Variants in EIF2AK3 observed in about 807,000 individuals in gnomAD.
EIF2AK3 encodes the protein eukaryotic translation initiation factor 2 alpha kinase 3.
EIF2AK3 carries 50 observed loss-of-function variants against 113.5 expected under a neutral mutation model. That is an observed-to-expected ratio of 0.44 (90% CI 0.35 to 0.56). The LOEUF is 0.56. Ranked by LOEUF, EIF2AK3 falls within the 20% of genes least tolerant of loss-of-function variation. The pLI is 0.00. For synonymous variants in EIF2AK3, 448 were observed against 495.4 expected (o/e 0.90, Z 1.27); for missense variants, 1,185 against 1,378.0 (o/e 0.86, Z 2.22).
chr2:88,572,328 C>A (rs1358297125), intron 13 of EIF2AK3, among the ~76,000 whole-genome samples: 1 of 152,168 alleles, frequency 6.6e-6, no homozygotes, highest in Non-Finnish European at 1.5e-5. Context: ...GTGCTTCCAG[C>A]AGAAGTATCT....
chr2:88,559,021 A>G (rs1413685569), intron 15 of EIF2AK3, 42 bp from the exon 16 acceptor site: 8 of 1,350,276 alleles, frequency 5.9e-6, no homozygotes, highest in Non-Finnish European at 8.4e-6. Flanking sequence ...TTATTTTGAC[A>G]TACAACATGA....
chr2:88,572,664 T>G (rs1407820495), intron 13 of EIF2AK3, among the ~76,000 whole-genome samples: 1 of 152,224 alleles, frequency 6.6e-6, no homozygotes. Context: ...CTCAACAGTT[T>G]AGCCATGTGG....
intron 14 of EIF2AK3, among the ~76,000 whole-genome samples, chr2:88,569,347 A>G (rs551551199): frequency 2.0e-4 from 31 of 151,970 alleles, no homozygotes; most frequent in Non-Finnish European, 4.3e-4. Flanking sequence ...AAAAAAAAAA[A>G]CAAACAACAT....
At chr2:88,616,495 C>T (rs1396783051) in intron 1 of EIF2AK3, among the ~76,000 whole-genome samples, 6 of 152,110 alleles carry the variant, frequency 3.9e-5, no homozygotes, top group African/African-American at 1.2e-4. Flanking sequence ...GGCGCAATCT[C>T]GGCTCACTGC....
Position 88,627,295 on chromosome 2 carries a change from A to G in EIF2AK3, c.-21T>C, listed in dbSNP as rs1466121074. The G allele has an allele frequency of 1.4e-6, 2 of 1,477,440 alleles. No homozygotes were observed. Among genetic ancestry groups the G allele is most frequent in the Non-Finnish European group, 1.8e-6 (2 of 1,118,418 alleles). The allele number at this position is 1,477,440 out of a possible 1,614,324, so 91.5% of individuals were successfully genotyped here. A position where few individuals can be genotyped will look rare whatever the true frequency, so the allele number is the denominator to read the frequency against. On this transcript the variant is annotated 5_prime_UTR_variant, in exon 1 of 17. Transcript: ENST00000303236. ...TCCATCAGCGTCCCGCCCCGCGCGC[A>G]GGCATGGAGGCGCAGCCACTGACGC...
At chr2:88,563,857 C>G (rs1247142929) in intron 14 of EIF2AK3, among the ~76,000 whole-genome samples, 1 of 151,994 alleles carries the variant, frequency 6.6e-6, no homozygotes, top group Non-Finnish European at 1.5e-5. Context: ...TATACACACA[C>G]ACAGAGAGAG....
chr2:88,603,645 A>C (rs1675203469), intron 2 of EIF2AK3, among the ~76,000 whole-genome samples: 1 of 152,198 alleles, frequency 6.6e-6, no homozygotes, highest in Non-Finnish European at 1.5e-5. Flanking sequence ...TCATTGAAAC[A>C]CTTTTTCTCT....
intron 14 of EIF2AK3, 42 bp downstream of exon 14, chr2:88,570,832 C>A: frequency 6.2e-7 from 1 of 1,608,422 alleles, no homozygotes; most frequent in African/African-American, 1.3e-5. Flanking sequence ...TCATCAGGTA[C>A]ATCTGCTGCT....
intron 1 of EIF2AK3, among the ~76,000 whole-genome samples, chr2:88,616,740 A>C (rs1675577345): frequency 6.6e-6 from 1 of 152,146 alleles, no homozygotes; most frequent in East Asian, 1.9e-4. Context: ...ATAGTTGTTT[A>C]AAGGATGACT....
At chr2:88,583,575 A>T in intron 9 of EIF2AK3, 33 bp from the exon 10 acceptor site, 1 of 1,464,600 alleles carries the variant, frequency 6.8e-7, no homozygotes, top group Non-Finnish European at 9.6e-7. Flanking sequence ...CACTACCAGT[A>T]CAAAGCTGAA....
intron 2 of EIF2AK3, among the ~76,000 whole-genome samples, chr2:88,596,812 T>C (rs867330187): frequency 9.2e-5 from 14 of 152,194 alleles, no homozygotes; most frequent in Non-Finnish European, 1.9e-4. Flanking sequence ...TAGGATTTCA[T>C]GGTGGATTCT....
Position 88,575,169 on chromosome 2 carries a change from C to G in EIF2AK3, c.2314G>C (p.Glu772Gln). Residue 772 changes from glutamate to glutamine, a missense_variant, in exon 13 of 17, where the codon GAA (glutamate) becomes CAA (glutamine). Glu to Gln is a conservative substitution (Grantham distance 29, BLOSUM62 2). This residue lies in a region of EIF2AK3 where 877 missense variants were observed against 1,024.2 expected (regional missense o/e 0.86). Coordinates refer to ENST00000303236, the MANE Select transcript of EIF2AK3 (RefSeq NM_004836.7). ...QDSCLTDCDVEDGTMDGNDEG... is the reference protein window; with the variant it reads ...QDSCLTDCDVQDGTMDGNDEG... Reference sequence around the variant, plus strand: ...TCATTGCCATCCATAGTCCCATCTTCCACATCACAGTCTGTAAGGCAACTG... The same window carrying G: ...TCATTGCCATCCATAGTCCCATCTTGCACATCACAGTCTGTAAGGCAACTG... The G allele has an allele frequency of 6.2e-7, 1 of 1,613,788 alleles. No homozygotes were observed. The highest frequency in any genetic ancestry group is 2.2e-5 in the East Asian group (1 of 44,878).
At position 88,583,478 on chromosome 2, in the gene EIF2AK3, G is replaced by A; in HGVS notation, c.1715C>T (p.Ala572Val). 1 of 1,612,952 alleles carries A rather than the reference G, an allele frequency of 6.2e-7. No individual in the cohort carries two copies. The highest frequency in any genetic ancestry group is 1.7e-4 in the Middle Eastern group (1 of 6,054). ...ENKYDSVSGE[A>V]NDSSWNDIKN... Reference sequence around the variant, plus strand: ...TATGTCATTCCAGCTACTGTCATTGGCTTCACCACTTACAGAATCATATTT... The same window carrying A: ...TATGTCATTCCAGCTACTGTCATTGACTTCACCACTTACAGAATCATATTT... The change falls in exon 10 of 17, where the codon GCC becomes GTC. Residue 572 changes from alanine to valine, a missense_variant. By Grantham distance (64) the Ala-to-Val change is moderately conservative. Transcript: ENST00000303236.
At chr2:88,622,856 T>C (rs1273701838) in intron 1 of EIF2AK3, among the ~76,000 whole-genome samples, 1 of 152,198 alleles carries the variant, frequency 6.6e-6, no homozygotes, top group African/African-American at 2.4e-5. Context: ...TGTACCTTTG[T>C]TTCACATCAG....
chr2:88,558,959 A>G lies in EIF2AK3; in HGVS notation c.3108T>C (p.Asn1036=). 6.3e-7 allele frequency: 1 copy of G among 1,597,666 alleles called. No individual in the cohort carries two copies. Among genetic ancestry groups the G allele is most frequent in the South Asian group, 1.1e-5 (1 of 90,690 alleles). Reference sequence around the variant, plus strand: ...GAGTAAATAATGGTGGAAATTTGAGATTTCTTACATCAGTTAAGGTCTAAA... The same window carrying G: ...GAGTAAATAATGGTGGAAATTTGAGGTTTCTTACATCAGTTAAGGTCTAAA... ...ERVRTLTDVR[N]LKFPPLFTQK... The change falls in exon 16 of 17, where the codon AAT becomes AAC. Residue 1036 remains asparagine, a synonymous_variant. Transcript: ENST00000303236.
At chr2:88,589,221 T>C (rs1048962094) in intron 6 of EIF2AK3, among the ~76,000 whole-genome samples, 1 of 152,218 alleles carries the variant, frequency 6.6e-6, no homozygotes, top group Non-Finnish European at 1.5e-5. Context: ...ACTAAGTAAC[T>C]TTCTCAAGAA....
rs1258703657 is a variant in EIF2AK3 at position 88,627,434 on chromosome 2, G to C, written c.-160C>G. ...GTTCCCCTGGCCACGTCTCAGCCCG[G>C]CCTCTGCCGCTGCCACCTGAGTGAC... On this transcript the variant is annotated 5_prime_UTR_variant, in exon 1 of 17. Transcript: ENST00000303236. 5 of 893,256 alleles carry C rather than the reference G, an allele frequency of 5.6e-6. No individual in the cohort carries two copies. In the African/African-American group the frequency reaches 8.8e-5, roughly 16 times the overall value. The allele number at this position is 893,256 out of a possible 1,614,324, so 55.3% of individuals were successfully genotyped here.
chr2:88,558,172 G>C (rs1673836869), intron 16 of EIF2AK3, among the ~76,000 whole-genome samples: 1 of 152,074 alleles, frequency 6.6e-6, no homozygotes, highest in African/African-American at 2.4e-5. Flanking sequence ...TATAAAAATA[G>C]GTGGCAGGCT....
chr2:88,599,236 T>C (rs1158655238), intron 2 of EIF2AK3, among the ~76,000 whole-genome samples: 1 of 152,152 alleles, frequency 6.6e-6, no homozygotes, highest in Non-Finnish European at 1.5e-5. Flanking sequence ...TGATTTTCAG[T>C]AAGTTCTCAA....
Sources: gnomAD v4.1 joint callset for allele counts (sites outside exome capture counted in the v4.1 genomes callset) on GRCh38, gnomAD v4.1.1 for gene constraint, gnomAD v4.1.1 regional missense constraint, MANE v1.5 for transcripts, NCBI Gene and HGNC (gene_info 2026-07-23, HGNC 2026-07-21) for gene names.